The following SMAD1 variants were observed in gnomAD, a reference collection of about 807,000 sequenced individuals.
SMAD1 encodes the protein MAD, mothers against decapentaplegic homolog 1.
SMAD1 carries 6 observed loss-of-function variants against 41.6 expected under a neutral mutation model. That is an observed-to-expected ratio of 0.14 (90% CI 0.08 to 0.28). SMAD1 has a LOEUF of 0.28. SMAD1 is among the 10% of genes least tolerant of loss of function. The probability of loss-of-function intolerance (pLI) is 1.00; values close to 1 mark genes in which losing one functional copy is unlikely to be tolerated. For synonymous variants in SMAD1, 206 were observed against 203.2 expected, an observed-to-expected ratio of 1.01 and a Z score of -0.12; for missense variants, 379 against 582.6, an observed-to-expected ratio of 0.65 and a Z score of 3.60.
chr4:145,529,114 T>C (rs759327759), intron 2 of SMAD1, among the ~76,000 whole-genome samples: 4 of 152,216 alleles, frequency 2.6e-5, no homozygotes, highest in Non-Finnish European at 4.4e-5. Flanking sequence ...AAATAGTAAA[T>C]TGCCCTAGTT....
chr4:145,541,810 A>G (rs561453808), intron 3 of SMAD1, among the ~76,000 whole-genome samples: 2 of 152,326 alleles, frequency 1.3e-5, no homozygotes, highest in African/African-American at 4.8e-5. Flanking sequence ...CATGATAGCT[A>G]GTGAGGAGCT....
chr4:145,490,539 C>T (rs1560721344), intron 1 of SMAD1, among the ~76,000 whole-genome samples: 1 of 152,112 alleles, frequency 6.6e-6, no homozygotes, highest in Non-Finnish European at 1.5e-5. Context: ...TTTTTGGTAT[C>T]ACTTTGTGGC....
Position 145,539,956 on chromosome 4 carries a change from C to T in SMAD1, c.553C>T (p.Pro185Ser), listed in dbSNP as rs574850101. 1 of 1,614,066 alleles carries T rather than the reference C, an allele frequency of 6.2e-7. No individual in the cohort carries two copies. The highest frequency in any genetic ancestry group is 1.3e-5 in the African/African-American group (1 of 75,036). The change falls in exon 3 of 7, where the codon CCT (proline) becomes TCT (serine). Residue 185 changes from proline to serine, a missense_variant. Around this residue, in one of 3 missense-constraint regions of SMAD1, gnomAD observed 208 missense variants for 210.5 expected, o/e 0.99. Coordinates refer to ENST00000302085, the MANE Select transcript of SMAD1 (RefSeq NM_005900.3). ...SFQQPNSHPF[P>S]HSPNSSYPNS... Reference sequence around the variant, plus strand: ...CCAGCAACCCAACAGCCACCCGTTTCCTCACTCTCCCAATAGCAGTTACCC... The same window carrying T: ...CCAGCAACCCAACAGCCACCCGTTTTCTCACTCTCCCAATAGCAGTTACCC...
intron 1 of SMAD1, chr4:145,502,875 C>A (rs897701761): frequency 2.6e-5 from 4 of 152,188 alleles, no homozygotes; most frequent in Non-Finnish European, 5.9e-5. Flanking sequence ...TTTCTACTCA[C>A]TTAACACTGT....
chr4:145,531,110 A>G (rs1445581352), intron 2 of SMAD1, among the ~76,000 whole-genome samples: 1 of 152,234 alleles, frequency 6.6e-6, no homozygotes, highest in Non-Finnish European at 1.5e-5. Flanking sequence ...GCAGACAAAA[A>G]AGTGCCACCA....
At chr4:145,524,938 TG>T (rs1730947954) in intron 2 of SMAD1, among the ~76,000 whole-genome samples, 1 of 152,202 alleles carries the variant, frequency 6.6e-6, no homozygotes, top group African/African-American at 2.4e-5. Context: ...CCTTCTGAAT[TG>T]TGCTTTTTGG....
intron 1 of SMAD1, among the ~76,000 whole-genome samples, chr4:145,511,486 A>T (rs567240715): frequency 6.6e-6 from 1 of 152,036 alleles, no homozygotes; most frequent in African/African-American, 2.4e-5. Context: ...TGCCCAGGCT[A>T]CTCTGGAACT....
Position 145,542,711 on chromosome 4 carries a change from GCTGCCTGTTCCCTTT to G in SMAD1, c.775+14_775+28del, listed in dbSNP as rs1247488956. The stretch of plus-strand genomic sequence containing the variant: ...ATCAACAGAGGAGGTAAAACTAATT[GCTGCCTGTTCCCTTT>G]TTTAGAGTCTAAAGTTTGTCCAGAT... On this transcript the variant is annotated intron_variant, in intron 4 of 6. Transcript: ENST00000302085. 2.6e-6 allele frequency: 4 copies of G among 1,530,078 alleles called. No individual in the cohort carries two copies. In the South Asian group the frequency reaches 4.6e-5, roughly 17 times the overall value. 94.8% of individuals were successfully genotyped at this position (1,530,078 alleles called of 1,614,324 possible). A position where few individuals can be genotyped will look rare whatever the true frequency, so the allele number is the denominator to read the frequency against.
rs560635657 is a variant in SMAD1, at chr4:145,508,937, C to A, written c.-176-5501C>A. 2.6e-5 allele frequency among the ~76,000 whole-genome samples: 4 copies of A among 152,266 alleles called. No individual in the cohort carries two copies. In the South Asian group the frequency reaches 8.3e-4, roughly 32 times the overall value. ...ACCTAATCACCTCCCAAAGGACTCA[C>A]CTTCTAATTCTGTCACCTTTGGGGT... is the stretch of plus-strand genomic sequence containing the variant. On this transcript the variant is annotated intron_variant, in intron 1 of 6. Coordinates refer to ENST00000302085, the MANE Select transcript of SMAD1 (RefSeq NM_005900.3).
At chr4:145,544,603 A>T (rs1732143689) in intron 4 of SMAD1, 1 of 152,358 alleles carries the variant, frequency 6.6e-6, no homozygotes, top group South Asian at 2.1e-4. Context: ...AGAAAAAAAA[A>T]ATTGGTGATA....
intron 1 of SMAD1, among the ~76,000 whole-genome samples, chr4:145,491,626 C>T (rs1728770888): frequency 6.6e-6 from 1 of 152,098 alleles, no homozygotes; most frequent in Non-Finnish European, 1.5e-5. Context: ...TTCCCAGCCT[C>T]CTAGGAGAAT....
intron 1 of SMAD1, among the ~76,000 whole-genome samples, chr4:145,507,702 A>G: frequency 6.7e-6 from 1 of 150,028 alleles, no homozygotes; most frequent in East Asian, 2.0e-4. Flanking sequence ...TGAAATGTTT[A>G]TATTTGGACA....
At chr4:145,535,790 TACAC>T (rs143915999) in intron 2 of SMAD1, among the ~76,000 whole-genome samples, 2,884 of 152,070 alleles carry the variant, frequency 0.019, 51 homozygotes, top group Non-Finnish European at 0.03. Context: ...GCTTTTTAAA[TACAC>T]ACAATAAGAA....
At chr4:145,499,372 C>T (rs1729293819) in intron 1 of SMAD1, among the ~76,000 whole-genome samples, 1 of 152,162 alleles carries the variant, frequency 6.6e-6, no homozygotes, top group Non-Finnish European at 1.5e-5. Context: ...CCAGTAATCC[C>T]AACCCTTTGG....
At chr4:145,503,404 G>A (rs1729579980) in intron 1 of SMAD1, among the ~76,000 whole-genome samples, 2 of 152,112 alleles carry the variant, frequency 1.3e-5, no homozygotes, top group South Asian at 2.1e-4. Context: ...GAAGTTAAGC[G>A]CTGTACTTTA....
intron 4 of SMAD1, among the ~76,000 whole-genome samples, chr4:145,543,804 T>G (rs1732085901): frequency 6.6e-6 from 1 of 152,196 alleles, no homozygotes; most frequent in Non-Finnish European, 1.5e-5. Flanking sequence ...TAACCTCTCA[T>G]GAAAGAAAGT....
At chr4:145,489,554 A>G (rs1342260853) in intron 1 of SMAD1, among the ~76,000 whole-genome samples, 1 of 152,244 alleles carries the variant, frequency 6.6e-6, no homozygotes, top group Non-Finnish European at 1.5e-5. Context: ...GATGTCGGAG[A>G]TATATCCTTA....
Position 145,482,836 on chromosome 4 carries a change from A to G in SMAD1, c.-177+798A>G, listed in dbSNP as rs1728268091. Reference sequence around the variant, plus strand: ...ATGTGTATTCGTGAGTTCGCGGTTGAACAACTGTTCCTTTACTCTGCTCCC... The same window carrying G: ...ATGTGTATTCGTGAGTTCGCGGTTGGACAACTGTTCCTTTACTCTGCTCCC... On this transcript the variant is annotated intron_variant, in intron 1 of 6. Coordinates refer to ENST00000302085, the MANE Select transcript of SMAD1 (RefSeq NM_005900.3). The surrounding 1 kb of genome is among the most constrained non-coding windows in gnomAD (Gnocchi z 4.2). 1 of 151,894 alleles carries G rather than the reference A, an allele frequency of 6.6e-6. No homozygotes were observed. Among genetic ancestry groups the G allele is most frequent in the South Asian group, 2.1e-4 (1 of 4,780 alleles). 9.4% of individuals were successfully genotyped at this position (151,894 alleles called of 1,614,324 possible).
In SMAD1 at chr4:145,482,323, T is replaced by C. The variant is rs970344899; in HGVS notation, c.-177+285T>C. 2.0e-5 allele frequency among the ~76,000 whole-genome samples: 3 copies of C among 150,870 alleles called. No homozygotes were observed. The highest frequency in any genetic ancestry group is 4.4e-5 in the Non-Finnish European group (3 of 67,526). On this transcript the variant is annotated intron_variant, in intron 1 of 6. Transcript: ENST00000302085. The surrounding 1 kb of genome is among the most constrained non-coding windows in gnomAD (Gnocchi z 4.2). Reference sequence around the variant, plus strand: ...CCGCCGGGCTCCCCTGGTGTCTTTGTTGGGTCTTCTGCTGTGGGAAGCCCA... The same window carrying C: ...CCGCCGGGCTCCCCTGGTGTCTTTGCTGGGTCTTCTGCTGTGGGAAGCCCA...
Sources: allele counts gnomAD v4.1 joint callset (sites outside exome capture counted in the v4.1 genomes callset), GRCh38; gene constraint gnomAD v4.1.1; regional missense constraint gnomAD v4.1.1; non-coding constraint Gnocchi (gnomAD v3.1); transcripts MANE v1.5; gene names NCBI Gene and HGNC (gene_info 2026-07-23, HGNC 2026-07-21).